Variants in TTC39C observed in about 807,000 individuals in gnomAD.
TTC39C encodes the protein tetratricopeptide repeat protein 39C.
TTC39C carries 33 observed loss-of-function variants against 76.3 expected under a neutral mutation model. That is an observed-to-expected ratio of 0.43 (90% CI 0.33 to 0.58). TTC39C has a LOEUF of 0.58. TTC39C is among the 20% of genes least tolerant of loss of function. The pLI, the probability that TTC39C is intolerant of heterozygous loss-of-function variation, is 0.04. For missense variants in TTC39C, 595 were observed against 701.4 expected, an observed-to-expected ratio of 0.85 and a Z score of 1.71; for synonymous variants, 254 against 260.6, an observed-to-expected ratio of 0.97 and a Z score of 0.24.
chr18:24,074,257 C>T lies in TTC39C; in HGVS notation c.460+4986C>T, dbSNP rs2084276016. Reference sequence around the variant, plus strand: ...AGGAGGTTTATAAAGCATGAAGGTCCGTTTCCTTCTCTGTGTCCTTAGAAC... The same window carrying T: ...AGGAGGTTTATAAAGCATGAAGGTCTGTTTCCTTCTCTGTGTCCTTAGAAC... On this transcript the variant is annotated intron_variant, in intron 4 of 13. Coordinates refer to ENST00000317571, the MANE Select transcript of TTC39C (RefSeq NM_001135993.2). Among the ~76,000 whole-genome samples the T allele has an allele frequency of 2.0e-5, 3 of 152,142 alleles. No homozygotes were observed. In the South Asian group the frequency reaches 6.2e-4, roughly 32 times the overall value.
intron 6 of TTC39C, among the ~76,000 whole-genome samples, chr18:24,105,747 C>G (rs921652371): frequency 6.6e-6 from 1 of 152,212 alleles, no homozygotes; most frequent in Non-Finnish European, 1.5e-5. Flanking sequence ...CACCCCTGAC[C>G]GTTGGTGTCT....
intron 1 of TTC39C, among the ~76,000 whole-genome samples, chr18:24,054,700 C>G (rs2083994727): frequency 6.6e-6 from 1 of 152,086 alleles, no homozygotes; most frequent in Admixed American, 6.5e-5. Context: ...GTCATTTATT[C>G]TATTATAGAA....
chr18:24,072,393 T>A (rs891545256), intron 4 of TTC39C, among the ~76,000 whole-genome samples: 1 of 152,098 alleles, frequency 6.6e-6, no homozygotes, highest in Non-Finnish European at 1.5e-5. Context: ...CCTCCCGGGT[T>A]CAAGTGATTC....
intron 2 of TTC39C, 53 bp from the exon 3 acceptor site, chr18:24,065,959 T>C: frequency 1.3e-6 from 2 of 1,490,456 alleles, no homozygotes; most frequent in Non-Finnish European, 1.8e-6. Context: ...ATAAGTTGGC[T>C]TAAATTTTCA....
Position 24,014,754 on chromosome 18 carries a change from C to T in TTC39C, c.-118C>T. On this transcript the variant is annotated 5_prime_UTR_variant, in exon 1 of 14. Coordinates refer to ENST00000317571, the MANE Select transcript of TTC39C (RefSeq NM_001135993.2). ...TCCCTCCCGTCTTCTCCCCTCCCCTCCCCTCCCCTCCCGGCTCCGCTTGGC... is the reference window on the plus strand; with the variant it reads ...TCCCTCCCGTCTTCTCCCCTCCCCTTCCCTCCCCTCCCGGCTCCGCTTGGC... 8.8e-7 allele frequency: 1 copy of T among 1,142,054 alleles called. No individual in the cohort carries two copies. The highest frequency in any genetic ancestry group is 1.1e-6 in the Non-Finnish European group (1 of 928,282). The allele number at this position is 1,142,054 out of a possible 1,614,324, so 70.7% of individuals were successfully genotyped here.
intron 1 of TTC39C, among the ~76,000 whole-genome samples, chr18:24,055,610 G>A (rs906839071): frequency 6.6e-6 from 1 of 152,078 alleles, no homozygotes; most frequent in Non-Finnish European, 1.5e-5. Flanking sequence ...CTGAGTTGTA[G>A]GAGCTCTATG....
At chr18:24,033,381 A>G (rs1347756552) in intron 1 of TTC39C, among the ~76,000 whole-genome samples, 1 of 152,050 alleles carries the variant, frequency 6.6e-6, no homozygotes, top group Non-Finnish European at 1.5e-5. Context: ...CAGATTCTTG[A>G]CTTTGCTTTG....
At chr18:24,003,662 G>GA (rs1003523556) in intron 1 of TTC39C, among the ~76,000 whole-genome samples, 17 of 144,330 alleles carry the variant, frequency 1.2e-4, no homozygotes, top group South Asian at 2.3e-4. Flanking sequence ...GCCCTTGTAT[G>GA]AAAAAAAAAA....
chr18:24,026,209 T>C (rs1383934023), intron 1 of TTC39C, among the ~76,000 whole-genome samples: 1 of 152,218 alleles, frequency 6.6e-6, no homozygotes, highest in African/African-American at 2.4e-5. Flanking sequence ...CCTGTCCTGT[T>C]CCCACCCAAC....
chr18:23,998,945 T>G (rs1424680863), intron 1 of TTC39C, among the ~76,000 whole-genome samples: 3 of 148,418 alleles, frequency 2.0e-5, no homozygotes, highest in East Asian at 2.3e-4. Context: ...GGCCCTGGTA[T>G]CCATTTACAC....
intron 6 of TTC39C, among the ~76,000 whole-genome samples, chr18:24,112,423 T>G (rs1255235131): frequency 6.6e-6 from 1 of 152,246 alleles, no homozygotes; most frequent in African/African-American, 2.4e-5. Context: ...GCTCCTTAAC[T>G]TCTTTGAACT....
At chr18:24,047,839 G>C (rs2083904435) in intron 1 of TTC39C, among the ~76,000 whole-genome samples, 1 of 152,174 alleles carries the variant, frequency 6.6e-6, no homozygotes, top group Non-Finnish European at 1.5e-5. Flanking sequence ...TTCCGTAGAG[G>C]AGATAACAAA....
chr18:24,118,249 C>A lies in TTC39C; in HGVS notation c.1186+17C>A. 6.3e-7 allele frequency: 1 copy of A among 1,593,968 alleles called. No homozygotes were observed. Among genetic ancestry groups the A allele is most frequent in the South Asian group, 1.1e-5 (1 of 89,792 alleles). ...TGACTGCAGGTGAGTCGCCCATGGT[C>A]CCTCAGTGTGCCTCTCTCTGTCGTG... On this transcript the variant is annotated intron_variant, in intron 8 of 13. Transcript: ENST00000317571.
intron 1 of TTC39C, among the ~76,000 whole-genome samples, chr18:24,030,385 G>A (rs1210300005): frequency 2.0e-5 from 3 of 152,202 alleles, no homozygotes; most frequent in African/African-American, 7.2e-5. Flanking sequence ...TTTCAGAACA[G>A]ATCAGTAACT....
At chr18:24,034,209 C>G (rs1489725587) in intron 1 of TTC39C, among the ~76,000 whole-genome samples, 1 of 152,208 alleles carries the variant, frequency 6.6e-6, no homozygotes, top group Non-Finnish European at 1.5e-5. Context: ...AGCACAAAGG[C>G]TACCCTGAAG....
At chr18:24,054,026 A>G (rs73402301) in intron 1 of TTC39C, among the ~76,000 whole-genome samples, 2,844 of 152,308 alleles carry the variant, frequency 0.019, 75 homozygotes, top group African/African-American at 0.065. Context: ...GATGCATTAA[A>G]AATCTTATTT....
intron 1 of TTC39C, chr18:24,022,730 G>C: frequency 1.0e-6 from 1 of 985,376 alleles, no homozygotes; most frequent in Non-Finnish European, 1.2e-6. Flanking sequence ...GTAGGATAAA[G>C]CCCAGCCTCC....
intron 1 of TTC39C, among the ~76,000 whole-genome samples, chr18:24,050,922 A>G (rs2083941342): frequency 1.3e-5 from 2 of 151,998 alleles, no homozygotes; most frequent in Admixed American, 1.3e-4. Flanking sequence ...TTGTTGTTGA[A>G]CTTGTCTGTA....
chr18:23,995,045 T>A (rs569417583), intron 1 of TTC39C, among the ~76,000 whole-genome samples: 27 of 152,360 alleles, frequency 1.8e-4, no homozygotes, highest in African/African-American at 6.5e-4. Flanking sequence ...AGCATTGCAA[T>A]TATGATACAG....
Sources: gnomAD v4.1 joint callset for allele counts (sites outside exome capture counted in the v4.1 genomes callset) on GRCh38, gnomAD v4.1.1 for gene constraint, MANE v1.5 for transcripts, NCBI Gene and HGNC (gene_info 2026-07-23, HGNC 2026-07-21) for gene names.